SLC24A2: variants seen among roughly 807,000 people sequenced by gnomAD.
The protein encoded by SLC24A2 is sodium/potassium/calcium exchanger 2.
In SLC24A2, 36 loss-of-function variants were observed where a neutral mutation model predicts 62.0. The ratio of observed to expected loss-of-function variants is 0.58; its 90% CI spans 0.44 to 0.77. The LOEUF (loss-of-function observed/expected upper bound fraction) is 0.77, where lower values mean the gene tolerates loss of function less well. Ranked by LOEUF, SLC24A2 falls within the 30% of genes least tolerant of loss-of-function variation. The probability of loss-of-function intolerance (pLI) is 0.00; values close to 1 mark genes in which losing one functional copy is unlikely to be tolerated. For missense variants in SLC24A2, 846 were observed against 817.9 expected (o/e 1.03, Z -0.42); for synonymous variants, 358 against 294.0 (o/e 1.22, Z -2.23).
At chr9:19,683,536 C>A (rs1819784991) in intron 2 of SLC24A2, among the ~76,000 whole-genome samples, 1 of 143,150 alleles carries the variant, frequency 7.0e-6, no homozygotes, top group Admixed American at 7.0e-5. Context: ...GTGCTCTGAA[C>A]TTTTTTTTTT....
At chr9:19,557,121 C>T (rs80020127) in intron 7 of SLC24A2, among the ~76,000 whole-genome samples, 1,856 of 152,278 alleles carry the variant, frequency 0.012, 39 homozygotes, top group African/African-American at 0.041. Context: ...CCCTGAGTAA[C>T]CCCTAAGTCC....
At chr9:20,088,093 C>A in the SLC24A2 span, among the ~76,000 whole-genome samples, 3 of 152,174 alleles carry the variant, frequency 2.0e-5, no homozygotes, top group Non-Finnish European at 4.4e-5. Context: ...CTTTAGATAC[C>A]TGGGCTTCCC....
Position 19,573,417 on chromosome 9 carries a change from G to A in SLC24A2, c.1281C>T (p.Ser427=). Residue 427 remains serine, a synonymous_variant, in exon 7 of 11, where the codon TCC becomes TCT. Coordinates refer to ENST00000341998, the MANE Select transcript of SLC24A2 (RefSeq NM_020344.4). ...TTTGTACAGGTTCTGAAGCATCACTGGATGGTGTCATTTCAACATCTGTGC... is the reference window on the plus strand; with the variant it reads ...TTTGTACAGGTTCTGAAGCATCACTAGATGGTGTCATTTCAACATCTGTGC... The part of the protein sequence containing the change: ...STSTDVEMTP[S]SDASEPVQNG... 2 of 1,612,720 alleles carry A rather than the reference G, an allele frequency of 1.2e-6. No individual in the cohort carries two copies. Among genetic ancestry groups the A allele is most frequent in the East Asian group, 2.2e-5 (1 of 44,686 alleles).
At chr9:19,777,661 T>C (rs751823706) in intron 2 of SLC24A2, among the ~76,000 whole-genome samples, 2 of 152,164 alleles carry the variant, frequency 1.3e-5, no homozygotes, top group Non-Finnish European at 2.9e-5. Context: ...TAAAATTTTG[T>C]ATGTCCAATA....
chr9:19,520,959 C>G lies in SLC24A2; in HGVS notation c.1671G>C (p.Arg557=). The change falls in exon 10 of 11, where the codon CGG becomes CGC. Residue 557 remains arginine, a synonymous_variant. Coordinates refer to ENST00000341998, the MANE Select transcript of SLC24A2 (RefSeq NM_020344.4). ...ACACAGCCATGTCCCCTAACCCCTT[C>G]CGGGCCACTATGACACTGGTGATAA... is the stretch of plus-strand genomic sequence containing the variant. ...PDLITSVIVA[R]KGLGDMAVSS... The G allele has an allele frequency of 6.2e-7, 1 of 1,614,102 alleles. No homozygotes were observed. The highest frequency in any genetic ancestry group is 1.7e-5 in the Admixed American group (1 of 60,014).
At chr9:20,296,098 T>C in the SLC24A2 span, among the ~76,000 whole-genome samples, 1 of 152,356 alleles carries the variant, frequency 6.6e-6, no homozygotes, top group East Asian at 1.9e-4. Flanking sequence ...AGTTTAAAAC[T>C]AATTATTACT....
chr9:19,680,785 A>G (rs1033828749), intron 2 of SLC24A2, among the ~76,000 whole-genome samples: 2 of 151,942 alleles, frequency 1.3e-5, no homozygotes, highest in African/African-American at 4.8e-5. Context: ...AGTGACAGTT[A>G]TTTCTTTCTA....
the SLC24A2 span, among the ~76,000 whole-genome samples, chr9:20,234,652 C>T: frequency 6.6e-6 from 1 of 152,310 alleles, no homozygotes; most frequent in Admixed American, 6.5e-5. Context: ...AAGCTTTTAA[C>T]TTCTTTGCCA....
At chr9:20,158,219 T>C in the SLC24A2 span, among the ~76,000 whole-genome samples, 1 of 151,654 alleles carries the variant, frequency 6.6e-6, no homozygotes, top group African/African-American at 2.4e-5. Context: ...AAATGAAGGA[T>C]GAATTATAAG....
intron 2 of SLC24A2, among the ~76,000 whole-genome samples, chr9:19,691,197 G>T (rs922581163): frequency 2.0e-5 from 3 of 152,064 alleles, no homozygotes; most frequent in African/African-American, 7.2e-5. Context: ...TGCATGTAAG[G>T]GAAACTTTGG....
chr9:20,103,186 G>C, the SLC24A2 span, among the ~76,000 whole-genome samples: 1 of 152,214 alleles, frequency 6.6e-6, no homozygotes, highest in African/African-American at 2.4e-5. Flanking sequence ...GGTAAACAAA[G>C]CAACTGGGAA....
At chr9:19,596,499 T>C (rs531876314) in intron 5 of SLC24A2, among the ~76,000 whole-genome samples, 1 of 152,342 alleles carries the variant, frequency 6.6e-6, no homozygotes. Flanking sequence ...TGCTGTTCCA[T>C]GGCAAACCTA....
Position 19,789,026 on chromosome 9 carries a change from C to T in SLC24A2, c.-295G>A, listed in dbSNP as rs1349985602. 4.6e-6 allele frequency: 4 copies of T among 863,874 alleles called. No homozygotes were observed. In the East Asian group the frequency reaches 3.6e-4, roughly 78 times the overall value. 53.5% of individuals were successfully genotyped at this position (863,874 alleles called of 1,614,324 possible). A position where few individuals can be genotyped will look rare whatever the true frequency, so the allele number is the denominator to read the frequency against. On this transcript the variant is annotated 5_prime_UTR_variant, in exon 1 of 11. Coordinates refer to ENST00000341998, the MANE Select transcript of SLC24A2 (RefSeq NM_020344.4). The stretch of plus-strand genomic sequence containing the variant: ...CCGCTCTCGCCAGCCGGGCTGGGTT[C>T]GGGAGGAGACTGAGCCGCTGTGAGC...
chr9:19,557,656 C>T (rs1835161974), intron 7 of SLC24A2, among the ~76,000 whole-genome samples: 1 of 152,170 alleles, frequency 6.6e-6, no homozygotes, highest in Non-Finnish European at 1.5e-5. Context: ...CCTAGCTGCT[C>T]TTTCACTGAA....
At chr9:19,668,906 C>A (rs1449780230) in intron 2 of SLC24A2, among the ~76,000 whole-genome samples, 1 of 152,056 alleles carries the variant, frequency 6.6e-6, no homozygotes, top group Non-Finnish European at 1.5e-5. Flanking sequence ...TATAAAAGTA[C>A]ATAGTACTAT....
chr9:19,540,322 A>T, intron 8 of SLC24A2, among the ~76,000 whole-genome samples: 1 of 144,488 alleles, frequency 6.9e-6, no homozygotes. Flanking sequence ...ACATTTTGGC[A>T]TGATTTTGCA....
intron 2 of SLC24A2, among the ~76,000 whole-genome samples, chr9:19,750,021 C>T (rs1021735271): frequency 2.6e-5 from 4 of 152,162 alleles, no homozygotes; most frequent in Non-Finnish European, 4.4e-5. Context: ...GAACTCAAGC[C>T]AAGGTCAGAG....
chr9:20,290,090 CCCA>C, the SLC24A2 span, among the ~76,000 whole-genome samples: 2 of 152,154 alleles, frequency 1.3e-5, no homozygotes. Flanking sequence ...TGCACCCAAC[CCCA>C]ACACAAACCC....
At chr9:19,606,459 G>C (rs906859812) in intron 4 of SLC24A2, among the ~76,000 whole-genome samples, 3 of 152,204 alleles carry the variant, frequency 2.0e-5, no homozygotes, top group Admixed American at 2.0e-4. Flanking sequence ...CATATCTAAA[G>C]GCAGGTTCAA....
Sources: gnomAD v4.1 joint callset for allele counts (sites outside exome capture counted in the v4.1 genomes callset) on GRCh38, gnomAD v4.1.1 for gene constraint, MANE v1.5 for transcripts, NCBI Gene and HGNC (gene_info 2026-07-23, HGNC 2026-07-21) for gene names.